ROBO1: variants seen among roughly 807,000 people sequenced by gnomAD.
ROBO1 encodes roundabout homolog 1.
ROBO1 carries 149 observed loss-of-function variants against 195.9 expected under a neutral mutation model. The ratio of observed to expected loss-of-function variants is 0.76; its 90% CI spans 0.67 to 0.87. ROBO1 has a LOEUF of 0.87. ROBO1 is among the 40% of genes least tolerant of loss of function. The pLI is 0.00. For missense variants in ROBO1, 1,933 were observed against 2,068.3 expected, an observed-to-expected ratio of 0.93 and a Z score of 1.27; for synonymous variants, 816 against 733.2, an observed-to-expected ratio of 1.11 and a Z score of -1.82.
At chr3:78,745,213 C>T (rs1407866345) in intron 5 of ROBO1, among the ~76,000 whole-genome samples, 5 of 149,058 alleles carry the variant, frequency 3.4e-5, no homozygotes, top group Non-Finnish European at 7.4e-5. Context: ...GAGGCTGAGG[C>T]AGGAGAATCG....
intron 2 of ROBO1, among the ~76,000 whole-genome samples, chr3:79,490,289 T>C (rs1559936466): frequency 1.3e-5 from 2 of 152,214 alleles, no homozygotes; most frequent in African/African-American, 4.8e-5. Flanking sequence ...CAGTCAAACC[T>C]TAGCCTTTGT....
rs55873579 is a variant in ROBO1, at chr3:78,748,426, CAAATAAATAAATAAATAAATAAAT to C, written c.500-1550_500-1527del. Among the ~76,000 whole-genome samples the C allele has an allele frequency of 3.4e-5, 5 of 147,154 alleles. No individual in the cohort carries two copies. In the South Asian group the frequency reaches 6.6e-4, roughly 20 times the overall value. On this transcript the variant is annotated intron_variant, in intron 4 of 30. Transcript: ENST00000464233. ...TGCCATTGCACGCCAGCCTCTGTCT[CAAATAAATAAATAAATAAATAAAT>C]AAATAAATAAATAAATAAATAAATC...
At chr3:78,741,955 A>G (rs945716346) in intron 5 of ROBO1, among the ~76,000 whole-genome samples, 2 of 152,142 alleles carry the variant, frequency 1.3e-5, no homozygotes, top group South Asian at 2.1e-4. Context: ...AATGTTATTT[A>G]TATATTCCTG....
At chr3:78,965,279 C>A (rs980978293) in intron 3 of ROBO1, among the ~76,000 whole-genome samples, 1 of 152,118 alleles carries the variant, frequency 6.6e-6, no homozygotes, top group Admixed American at 6.6e-5. Flanking sequence ...AGCACACTTA[C>A]ATTCAAGATT....
intron 3 of ROBO1, among the ~76,000 whole-genome samples, chr3:79,122,356 T>C (rs1461191212): frequency 6.6e-6 from 1 of 152,072 alleles, no homozygotes; most frequent in Non-Finnish European, 1.5e-5. Context: ...TTCATTGATT[T>C]GTAAGAGTGA....
intron 2 of ROBO1, among the ~76,000 whole-genome samples, chr3:79,285,588 C>T (rs549359487): frequency 3.3e-5 from 5 of 152,068 alleles, no homozygotes; most frequent in Non-Finnish European, 5.9e-5. Flanking sequence ...AGCTGTGCAA[C>T]AAAACAGAAA....
chr3:78,616,326 A>C (rs1447807889), intron 27 of ROBO1, among the ~76,000 whole-genome samples: 1 of 152,190 alleles, frequency 6.6e-6, no homozygotes, highest in Non-Finnish European at 1.5e-5. Context: ...ATTAAGAAAG[A>C]TAATTAGGTT....
chr3:79,168,470 T>C (rs1456025577), intron 2 of ROBO1, among the ~76,000 whole-genome samples: 3 of 152,150 alleles, frequency 2.0e-5, no homozygotes, highest in Non-Finnish European at 4.4e-5. Flanking sequence ...GTAAAATGCA[T>C]ACCCATTTTA....
chr3:79,431,268 A>G (rs554945455), intron 2 of ROBO1, among the ~76,000 whole-genome samples: 38 of 152,202 alleles, frequency 2.5e-4, no homozygotes, highest in African/African-American at 9.1e-4. Context: ...GAAACTGAAA[A>G]TCCCATCAAT....
In ROBO1 at chr3:79,699,004, C is replaced by T. The variant is rs183176645; in HGVS notation, c.-51+68748G>A. 5.7e-3 allele frequency among the ~76,000 whole-genome samples: 858 copies of T among 150,938 alleles called. 6 individuals carry two copies. Among genetic ancestry groups the T allele is most frequent in the African/African-American group, 0.018 (741 of 41,314 alleles). ...TTAGAACATACCTTCCTATTCATAA[C>T]ATCAATTATGCACTGTGTAGTTTTT... On this transcript the variant is annotated intron_variant, in intron 1 of 30. Coordinates refer to ENST00000464233, the MANE Select transcript of ROBO1 (RefSeq NM_002941.4).
chr3:79,002,056 C>G (rs1315213247), intron 3 of ROBO1, among the ~76,000 whole-genome samples: 1 of 152,052 alleles, frequency 6.6e-6, no homozygotes, highest in Non-Finnish European at 1.5e-5. Flanking sequence ...GTAAAATAGC[C>G]ATGGGTCATC....
chr3:78,829,189 T>C (rs1056783728), intron 4 of ROBO1, among the ~76,000 whole-genome samples: 3 of 152,216 alleles, frequency 2.0e-5, no homozygotes, highest in Admixed American at 2.0e-4. Flanking sequence ...TTGTCTAATT[T>C]AATTCCCTTT....
intron 4 of ROBO1, among the ~76,000 whole-genome samples, chr3:78,908,844 C>T (rs2038079856): frequency 6.6e-6 from 1 of 151,706 alleles, no homozygotes; most frequent in Admixed American, 6.6e-5. Flanking sequence ...TTTTAACAGG[C>T]CTTAGTCTAA....
At chr3:78,655,007 A>G (rs991568235) in intron 18 of ROBO1, among the ~76,000 whole-genome samples, 1 of 152,180 alleles carries the variant, frequency 6.6e-6, no homozygotes, top group African/African-American at 2.4e-5. Context: ...TCTCATATAA[A>G]CGTTCAACAG....
intron 2 of ROBO1, among the ~76,000 whole-genome samples, chr3:79,339,190 C>T (rs558765875): frequency 6.6e-6 from 1 of 152,308 alleles, no homozygotes; most frequent in South Asian, 2.1e-4. Context: ...CTTCTGCTTC[C>T]ATCCTTGCTC....
intron 3 of ROBO1, among the ~76,000 whole-genome samples, chr3:79,081,157 G>A (rs1458372748): frequency 6.6e-6 from 1 of 151,750 alleles, no homozygotes; most frequent in African/African-American, 2.4e-5. Flanking sequence ...GCTTTTAAAT[G>A]ACACATTTTT....
intron 3 of ROBO1, among the ~76,000 whole-genome samples, chr3:79,111,991 T>C (rs1195280065): frequency 6.6e-6 from 1 of 152,184 alleles, no homozygotes; most frequent in Non-Finnish European, 1.5e-5. Context: ...GCAAAAAATG[T>C]GAAGTACCTC....
At chr3:79,074,602 A>G (rs930322529) in intron 3 of ROBO1, among the ~76,000 whole-genome samples, 1 of 151,202 alleles carries the variant, frequency 6.6e-6, no homozygotes, top group African/African-American at 2.4e-5. Context: ...TATTATTATT[A>G]TTATATTGAA....
At chr3:79,548,554 G>A (rs1412137919) in intron 2 of ROBO1, among the ~76,000 whole-genome samples, 7 of 152,236 alleles carry the variant, frequency 4.6e-5, no homozygotes, top group East Asian at 3.9e-4. Context: ...GGTCACATTC[G>A]TCTGGTAGGA....
Sources: allele counts gnomAD v4.1 joint callset (sites outside exome capture counted in the v4.1 genomes callset), GRCh38; gene constraint gnomAD v4.1.1; transcripts MANE v1.5; gene names NCBI Gene and HGNC (gene_info 2026-07-23, HGNC 2026-07-21).